CAAP1: variants seen among roughly 807,000 people sequenced by gnomAD.
CAAP1 encodes conserved anti-apoptotic protein.
A neutral mutation model predicts 34.0 loss-of-function variants in CAAP1; 20 were observed. The observed-to-expected ratio is 0.59, with a 90% confidence interval of 0.41 to 0.86. CAAP1 has a LOEUF of 0.86. CAAP1 is among the 40% of genes least tolerant of loss of function. The pLI, the probability that CAAP1 is intolerant of heterozygous loss-of-function variation, is 0.00. For synonymous variants in CAAP1, 213 were observed against 166.7 expected, an observed-to-expected ratio of 1.28 and a Z score of -2.14; for missense variants, 538 against 450.5, an observed-to-expected ratio of 1.19 and a Z score of -1.76.
chr9:26,886,543 CT>C (rs1292643104), intron 2 of CAAP1, among the ~76,000 whole-genome samples: 1 of 152,148 alleles, frequency 6.6e-6, no homozygotes, highest in Non-Finnish European at 1.5e-5. Context: ...TCAGGCTTAA[CT>C]TTAGTGACCA....
In CAAP1 at chr9:26,892,509, G is replaced by C; in HGVS notation, c.207C>G (p.Ser69Arg). The C allele has an allele frequency of 6.4e-7, 1 of 1,567,428 alleles. No homozygotes were observed. ...TGCTCCCGCCCCAACAGCTGCCGCC[G>C]CTCCCACCGCCGGTGACACTTCCAC... ...NFSGSVTGGG[S>R]GGSCWGGSSV... The change falls in exon 1 of 6, where the codon AGC becomes AGG. Residue 69 changes from serine (S) to arginine (R), a missense_variant. Ser to Arg is a moderately radical substitution (Grantham distance 110, BLOSUM62 -1). Around this residue, in one of 3 missense-constraint regions of CAAP1, gnomAD observed 514 missense variants for 408.4 expected, o/e 1.26. Coordinates refer to ENST00000333916, the MANE Select transcript of CAAP1 (RefSeq NM_024828.4).
Position 26,892,420 on chromosome 9 carries a change from A to C in CAAP1, c.296T>G (p.Leu99Trp), listed in dbSNP as rs1823928046. ...AGAGGGGCGCGCACGCACCTGCTGC[A>C]AGGAGCCCGAGACGCTGGAAGAGTC... ...STDSSSVSGS[L>W]QQETKYILPT... Residue 99 changes from leucine to tryptophan, a missense_variant, in exon 1 of 6, where the codon TTG (leucine) becomes TGG (tryptophan). Leu to Trp is a moderately conservative substitution (Grantham distance 61). Transcript: ENST00000333916. The C allele has an allele frequency of 1.2e-6, 2 of 1,604,828 alleles. No homozygotes were observed. The highest frequency in any genetic ancestry group is 8.5e-7 in the Non-Finnish European group (1 of 1,178,024).
chr9:26,873,609 C>A (rs967309614), intron 4 of CAAP1, among the ~76,000 whole-genome samples: 13 of 152,270 alleles, frequency 8.5e-5, no homozygotes, highest in African/African-American at 2.6e-4. Flanking sequence ...AATACCTGTT[C>A]TCATTTTCAG....
At position 26,886,186 on chromosome 9, in the gene CAAP1, G is replaced by A. The variant is rs367679747; in HGVS notation, c.507C>T (p.Asn169=). 12 of 1,482,228 alleles carry A rather than the reference G, an allele frequency of 8.1e-6. No individual in the cohort carries two copies. The highest frequency in any genetic ancestry group is 1.1e-5 in the Non-Finnish European group (12 of 1,112,348). The allele number at this position is 1,482,228 out of a possible 1,614,324, so 91.8% of individuals were successfully genotyped here. A position where few individuals can be genotyped will look rare whatever the true frequency, so the allele number is the denominator to read the frequency against. Residue 169 remains asparagine (N), a splice_region_variant and synonymous_variant, in exon 3 of 6, where the codon AAC becomes AAT. Coordinates refer to ENST00000333916, the MANE Select transcript of CAAP1 (RefSeq NM_024828.4). ...GTTTTTTAATTTCTTCTATTGAACA[G>A]TTCTAAAGGAAATGACATTTTAAAA... is the stretch of plus-strand genomic sequence containing the variant. ...LQKMLPDVLK[N]CSIEEIKKLC...
chr9:26,884,343 T>C (rs1823674148), intron 4 of CAAP1, among the ~76,000 whole-genome samples: 1 of 152,166 alleles, frequency 6.6e-6, no homozygotes, highest in African/African-American at 2.4e-5. Context: ...ATAATATACA[T>C]TTATAGGTAA....
At position 26,842,298 on chromosome 9, in the gene CAAP1, T is replaced by C. The variant is rs374211409; in HGVS notation, c.*3A>G. 14 of 1,548,412 alleles carry C rather than the reference T, an allele frequency of 9.0e-6. No homozygotes were observed. Among genetic ancestry groups the C allele is most frequent in the Middle Eastern group, 1.9e-4 (1 of 5,360 alleles). ...ACCTAAAATTCAAAATCAAGTTAAA[T>C]ACCTAGGCTGGCTTTTTTATATCAC... On this transcript the variant is annotated 3_prime_UTR_variant, in exon 6 of 6. Transcript: ENST00000333916.
chr9:26,856,040 C>G (rs2131304317), intron 5 of CAAP1, among the ~76,000 whole-genome samples: 1 of 152,050 alleles, frequency 6.6e-6, no homozygotes, highest in South Asian at 2.1e-4. Context: ...GACCTCCTTC[C>G]TGGGTTGAAG....
chr9:26,847,171 C>T (rs1484705673), intron 5 of CAAP1, among the ~76,000 whole-genome samples: 4 of 115,636 alleles, frequency 3.5e-5, no homozygotes, highest in Non-Finnish European at 5.4e-5. Flanking sequence ...TAAAAATCCT[C>T]GTTTTTACTA....
intron 5 of CAAP1, among the ~76,000 whole-genome samples, chr9:26,860,015 G>A (rs368388897): frequency 1.4e-4 from 22 of 152,152 alleles, no homozygotes; most frequent in African/African-American, 4.3e-4. Flanking sequence ...ATAATGACTT[G>A]TTTCTCTCTA....
At chr9:26,867,967 T>C (rs1429100201) in intron 4 of CAAP1, among the ~76,000 whole-genome samples, 1 of 152,146 alleles carries the variant, frequency 6.6e-6, no homozygotes, top group African/African-American at 2.4e-5. Context: ...AGAACAAGTA[T>C]GGGAGGAGGA....
chr9:26,852,757 C>T (rs1265659418), intron 5 of CAAP1, among the ~76,000 whole-genome samples: 1 of 151,926 alleles, frequency 6.6e-6, no homozygotes, highest in Admixed American at 6.5e-5. Context: ...GACATCAATT[C>T]CCAGTGAAAT....
chr9:26,869,239 C>T (rs190538979), intron 4 of CAAP1, among the ~76,000 whole-genome samples: 54 of 151,936 alleles, frequency 3.6e-4, no homozygotes, highest in African/African-American at 1.3e-3. Flanking sequence ...CGGTGAAATT[C>T]CTTTTATTTA....
chr9:26,878,705 G>A (rs1373072152), intron 4 of CAAP1, among the ~76,000 whole-genome samples: 2 of 151,964 alleles, frequency 1.3e-5, no homozygotes, highest in Non-Finnish European at 2.9e-5. Context: ...AGTCCCAGCA[G>A]TTTGGGAAGC....
At chr9:26,879,016 A>C (rs776775247) in intron 4 of CAAP1, among the ~76,000 whole-genome samples, 2 of 152,192 alleles carry the variant, frequency 1.3e-5, no homozygotes, top group Non-Finnish European at 2.9e-5. Flanking sequence ...AAGGAGCAAC[A>C]TTCAAGTTTC....
chr9:26,868,117 C>T (rs574277946), intron 4 of CAAP1, among the ~76,000 whole-genome samples: 2 of 152,318 alleles, frequency 1.3e-5, no homozygotes, highest in African/African-American at 2.4e-5. Context: ...TCTTCAGTTT[C>T]GTACTATTCC....
chr9:26,884,882 T>C lies in CAAP1; in HGVS notation c.593A>G (p.Asp198Gly), dbSNP rs1324859670. ...TTCCATATCAGAGTCCATTCCATTGTCACCTTATAAATGAAAGAAACTATT... is the reference window on the plus strand; with the variant it reads ...TTCCATATCAGAGTCCATTCCATTGCCACCTTATAAATGAAAGAAACTATT... ...EKKILKILEG[D>G]NGMDSDMEEE... Residue 198 changes from aspartate to glycine, a missense_variant, in exon 4 of 6, where the codon GAC becomes GGC. This residue lies in a region of CAAP1 where 514 missense variants were observed against 408.4 expected (regional missense o/e 1.26). Coordinates refer to ENST00000333916, the MANE Select transcript of CAAP1 (RefSeq NM_024828.4). 6.2e-7 allele frequency: 1 copy of C among 1,603,276 alleles called. No homozygotes were observed. Among genetic ancestry groups the C allele is most frequent in the Non-Finnish European group, 8.5e-7 (1 of 1,174,608 alleles).
intron 4 of CAAP1, among the ~76,000 whole-genome samples, chr9:26,872,268 G>A (rs909684005): frequency 1.3e-5 from 2 of 152,024 alleles, no homozygotes; most frequent in African/African-American, 4.8e-5. Flanking sequence ...TGCCTACCCT[G>A]AGCATAAATA....
chr9:26,856,200 G>A (rs1381587641), intron 5 of CAAP1, among the ~76,000 whole-genome samples: 2 of 151,494 alleles, frequency 1.3e-5, no homozygotes, highest in Non-Finnish European at 2.9e-5. Context: ...ATGTCTTTAG[G>A]GAAAAGATTC....
intron 2 of CAAP1, among the ~76,000 whole-genome samples, chr9:26,886,831 T>C (rs1282269768): frequency 6.6e-6 from 1 of 152,234 alleles, no homozygotes; most frequent in Non-Finnish European, 1.5e-5. Flanking sequence ...AATTTTTAAA[T>C]ATACAAGGCT....
Sources: allele counts gnomAD v4.1 joint callset (sites outside exome capture counted in the v4.1 genomes callset), GRCh38; gene constraint gnomAD v4.1.1; regional missense constraint gnomAD v4.1.1; transcripts MANE v1.5; gene names NCBI Gene and HGNC (gene_info 2026-07-23, HGNC 2026-07-21).